Variants in SIAE observed in about 807,000 individuals in gnomAD.
SIAE encodes the protein sialic acid acetylesterase.
Under a neutral mutation model 52.6 loss-of-function variants are expected in SIAE, and 39 were observed. The observed-to-expected ratio is 0.74, with a 90% CI of 0.57 to 0.97. SIAE has a LOEUF of 0.97. Ranked by LOEUF, SIAE falls within the 50% of genes least tolerant of loss-of-function variation. The pLI is 0.00. For synonymous variants in SIAE, 233 were observed against 241.4 expected (o/e 0.97, Z 0.32); for missense variants, 592 against 662.1 (o/e 0.89, Z 1.16).
chr11:124,673,890 A>C, upstream of SIAE: 1 of 646,576 alleles, frequency 1.5e-6, no homozygotes, highest in Non-Finnish European at 2.6e-6. Flanking sequence ...TTAAAGAAAA[A>C]ACGGTTACCC....
At chr11:124,637,984 C>T (rs1048456436) in intron 9 of SIAE, among the ~76,000 whole-genome samples, 1 of 152,234 alleles carries the variant, frequency 6.6e-6, no homozygotes, top group Non-Finnish European at 1.5e-5. Context: ...CTCCATCTCC[C>T]ACCCTCAAAT....
Position 124,635,838 on chromosome 11 carries a change from A to G in SIAE, c.*1113T>C, listed in dbSNP as rs1156296803. On this transcript the variant is annotated 3_prime_UTR_variant, in exon 10 of 10. Coordinates refer to ENST00000263593, the MANE Select transcript of SIAE (RefSeq NM_170601.5). ...ATTTATTTCCAACTTCTTATAGGTA[A>G]CATAATTTTCAGACAATGTTAGCTG... is the stretch of plus-strand genomic sequence containing the variant. 5 of 152,236 alleles carry G rather than the reference A, an allele frequency of 3.3e-5. No homozygotes were observed. The highest frequency in any genetic ancestry group is 1.2e-4 in the African/African-American group (5 of 41,476). 9.4% of individuals were successfully genotyped at this position (152,236 alleles called of 1,614,324 possible). A position where few individuals can be genotyped will look rare whatever the true frequency, so the allele number is the denominator to read the frequency against.
At chr11:124,647,258 G>A (rs2134363512) in intron 7 of SIAE, 107 bp downstream of exon 7, 2 of 1,478,752 alleles carry the variant, frequency 1.4e-6, no homozygotes, top group East Asian at 2.3e-5. Context: ...TGAAATCCAG[G>A]AAAGAGATCC....
intron 7 of SIAE, 126 bp from the exon 8 acceptor site, chr11:124,639,993 G>A (rs1399750522): frequency 1.8e-6 from 2 of 1,127,792 alleles, no homozygotes; most frequent in African/African-American, 3.1e-5. Context: ...TATTTACTGA[G>A]CTTCTTACTG....
intron 3 of SIAE, among the ~76,000 whole-genome samples, chr11:124,655,105 C>T (rs564734644): frequency 6.6e-6 from 1 of 152,176 alleles, no homozygotes; most frequent in African/African-American, 2.4e-5. Context: ...CACTCTGATA[C>T]CTTGAAACTG....
chr11:124,648,065 C>T lies in SIAE; in HGVS notation c.832+1G>A, dbSNP rs1942966442. The T allele has an allele frequency of 1.9e-6, 3 of 1,608,762 alleles. No homozygotes were observed. The highest frequency in any genetic ancestry group is 2.6e-6 in the Non-Finnish European group (3 of 1,175,272). On this transcript the variant is annotated splice_donor_variant, in intron 6 of 9. Transcript: ENST00000263593. LOFTEE classifies it high-confidence loss of function. ...GGAGAAAGAGTACACTGAACACTTA[C>T]CCTGGTACCATACTACCCCTTTCAG...
chr11:124,638,860 T>A, intron 8 of SIAE, 123 bp from the exon 9 acceptor site: 4 of 768,028 alleles, frequency 5.2e-6, no homozygotes, highest in Non-Finnish European at 6.5e-6. Flanking sequence ...CTGAACTCTG[T>A]GATCAGTGGC....
At chr11:124,657,723 G>A (rs1425049925) in intron 3 of SIAE, among the ~76,000 whole-genome samples, 1 of 152,158 alleles carries the variant, frequency 6.6e-6, no homozygotes, top group South Asian at 2.1e-4. Flanking sequence ...AGCAAAAATG[G>A]GGGTGGGGAC....
chr11:124,636,509 G>A lies in SIAE; in HGVS notation c.*442C>T. The A allele has an allele frequency of 4.2e-6, 1 of 235,408 alleles. No individual in the cohort carries two copies. The highest frequency in any genetic ancestry group is 6.5e-5 in the South Asian group (1 of 15,274). 14.6% of individuals were successfully genotyped at this position (235,408 alleles called of 1,614,324 possible). ...CGCCTGATCTCATCTGATCTCGGAA[G>A]CTAAGCAGGGTCGGGCCTGGTTAGT... On this transcript the variant is annotated 3_prime_UTR_variant, in exon 10 of 10. Coordinates refer to ENST00000263593, the MANE Select transcript of SIAE (RefSeq NM_170601.5).
intron 4 of SIAE, among the ~76,000 whole-genome samples, chr11:124,650,866 G>C (rs772865583): frequency 6.6e-6 from 1 of 152,136 alleles, no homozygotes; most frequent in Non-Finnish European, 1.5e-5. Flanking sequence ...TGGGAAATTC[G>C]GCCCAAAGGG....
chr11:124,638,489 A>G lies in SIAE; in HGVS notation c.1320+53T>C. The G allele has an allele frequency of 6.3e-6, 10 of 1,585,204 alleles. No individual in the cohort carries two copies. The South Asian group carries it at 1.0e-4, about 16-fold the overall frequency. On this transcript the variant is annotated intron_variant, in intron 9 of 9. Coordinates refer to ENST00000263593, the MANE Select transcript of SIAE (RefSeq NM_170601.5). ...AAGAGATGGCCTCAAGTGCGGAGGA[A>G]ATCTTGACTCCACCACAAAATGAAC...
rs512225 is a variant in SIAE, at chr11:124,669,340, C to T, written c.229+20G>A. On this transcript the variant is annotated intron_variant, in intron 2 of 9. Coordinates refer to ENST00000263593, the MANE Select transcript of SIAE (RefSeq NM_170601.5). Reference sequence around the variant, plus strand: ...GTGGCAGAAGAGGGCAATAGCTGAACGGAAGATGGGCTGCCTTACCTTTCA... The same window carrying T: ...GTGGCAGAAGAGGGCAATAGCTGAATGGAAGATGGGCTGCCTTACCTTTCA... The T allele has an allele frequency of 0.2, 330,063 of 1,613,578 alleles. 37,301 individuals carry two copies. The highest frequency in any genetic ancestry group is 0.3 in the Middle Eastern group (1,836 of 6,058).
At chr11:124,653,824 G>A (rs1276322047) in intron 4 of SIAE, among the ~76,000 whole-genome samples, 1 of 152,240 alleles carries the variant, frequency 6.6e-6, no homozygotes, top group Non-Finnish European at 1.5e-5. Context: ...GGGACTGTGT[G>A]TCCGTTTGGT....
chr11:124,674,042 T>G (rs1943421830), upstream of SIAE: 1 of 313,740 alleles, frequency 3.2e-6, no homozygotes, highest in Non-Finnish European at 6.0e-6. Flanking sequence ...AGACACAGCC[T>G]CGGAGCCCTG....
intron 3 of SIAE, among the ~76,000 whole-genome samples, chr11:124,655,291 T>G (rs1193146669): frequency 6.6e-6 from 1 of 151,426 alleles, no homozygotes; most frequent in Non-Finnish European, 1.5e-5. Flanking sequence ...TTCTCCTGCC[T>G]CAGCCTCCCG....
At chr11:124,649,843 G>T in intron 4 of SIAE, 47 bp from the exon 5 acceptor site, 1 of 1,600,474 alleles carries the variant, frequency 6.2e-7, no homozygotes, top group South Asian at 1.1e-5. Flanking sequence ...AAAGGTTGAT[G>T]GATACAAACT....
rs755738548 is a variant in SIAE at position 124,660,764 on chromosome 11, T to C, written c.269A>G (p.Lys90Arg). 112 of 1,614,064 alleles carry C rather than the reference T, an allele frequency of 6.9e-5. No homozygotes were observed. In the South Asian group the frequency reaches 1.2e-3, roughly 17 times the overall value. The change falls in exon 3 of 10, where the codon AAG becomes AGG. Residue 90 changes from lysine (K) to arginine (R), a missense_variant. Coordinates refer to ENST00000263593, the MANE Select transcript of SIAE (RefSeq NM_170601.5). ...CATCACTTCGAAAGGTCCTCCAGGC[T>C]TCATAGGATCCAGTACCACCATCCA... is the stretch of plus-strand genomic sequence containing the variant. ...DTWMVVLDPM[K>R]PGGPFEVMAQ...
rs189817340 is a variant in SIAE, at chr11:124,670,872, G to A, written c.68-1351C>T. On this transcript the variant is annotated intron_variant, in intron 1 of 9. Coordinates refer to ENST00000263593, the MANE Select transcript of SIAE (RefSeq NM_170601.5). This position sits in a 1 kb window ranked among gnomAD's most constrained non-coding sequence, Gnocchi z 4.5. ...AAATGCTCTAAGAAAAGAATACAAC[G>A]CCCCAGAATTGCATAAGCAGGTTGG... Among the ~76,000 whole-genome samples the A allele has an allele frequency of 6.4e-4, 98 of 152,302 alleles. No homozygotes were observed. Among genetic ancestry groups the A allele is most frequent in the Non-Finnish European group, 1.1e-3 (77 of 68,034 alleles).
chr11:124,635,410 T>C lies in SIAE; in HGVS notation c.*1541A>G, dbSNP rs1010720550. On this transcript the variant is annotated 3_prime_UTR_variant, in exon 10 of 10. Coordinates refer to ENST00000263593, the MANE Select transcript of SIAE (RefSeq NM_170601.5). ...CACTGACAAAGTTATTCCTGCTGTT[T>C]GGAGCTACACCAGAACCCCTTGGAA... The C allele has an allele frequency of 6.6e-6, 1 of 152,170 alleles. No homozygotes were observed. Among genetic ancestry groups the C allele is most frequent in the Non-Finnish European group, 1.5e-5 (1 of 68,036 alleles). The allele number at this position is 152,170 out of a possible 1,614,324, so 9.4% of individuals were successfully genotyped here. A position where few individuals can be genotyped will look rare whatever the true frequency, so the allele number is the denominator to read the frequency against.
Sources: allele counts gnomAD v4.1 joint callset (sites outside exome capture counted in the v4.1 genomes callset), GRCh38; gene constraint gnomAD v4.1.1; non-coding constraint Gnocchi (gnomAD v3.1); transcripts MANE v1.5; gene names NCBI Gene and HGNC (gene_info 2026-07-23, HGNC 2026-07-21).